The following ZFAT variants were observed in gnomAD, a reference collection of about 807,000 sequenced individuals.
ZFAT encodes zinc finger and AT-hook domain containing.
Under a neutral mutation model 117.7 loss-of-function variants are expected in ZFAT, and 64 were observed. The ratio of observed to expected loss-of-function variants is 0.54; its 90% CI spans 0.44 to 0.67. The LOEUF is 0.67. Ranked by LOEUF, ZFAT falls within the 30% of genes least tolerant of loss-of-function variation. ZFAT has a pLI of 0.00. For missense variants in ZFAT, 1,433 were observed against 1,584.5 expected (o/e 0.90, Z 1.62); for synonymous variants, 679 against 615.0 (o/e 1.10, Z -1.54).
At chr8:134,823,753 C>T in the ZFAT span, among the ~76,000 whole-genome samples, 1 of 152,184 alleles carries the variant, frequency 6.6e-6, no homozygotes, top group Non-Finnish European at 1.5e-5. Flanking sequence ...TATTAAAATG[C>T]TTTCACAATC....
chr8:134,708,156 G>A (rs1469014003), intron 1 of ZFAT, among the ~76,000 whole-genome samples: 6 of 152,312 alleles, frequency 3.9e-5, no homozygotes, highest in African/African-American at 1.4e-4. Context: ...AAGAAGCAGA[G>A]AGTAGAATGG....
At chr8:134,555,929 G>A (rs1005608304) in intron 11 of ZFAT, among the ~76,000 whole-genome samples, 3 of 148,122 alleles carry the variant, frequency 2.0e-5, no homozygotes, top group African/African-American at 7.4e-5. Context: ...TTTGAGCCCA[G>A]GAGCTCAAGC....
the ZFAT span, chr8:134,764,660 A>G: frequency 1.3e-5 from 2 of 152,246 alleles, no homozygotes; most frequent in East Asian, 1.9e-4. Context: ...TCTGATGTGC[A>G]TCTTTTAATT....
intron 1 of ZFAT, chr8:134,696,379 C>T (rs1335561066): frequency 8.1e-6 from 8 of 985,500 alleles, no homozygotes; most frequent in Non-Finnish European, 9.6e-6. Flanking sequence ...TCTGAAACCA[C>T]CCAGGAATCA....
chr8:134,745,871 A>T, the ZFAT span, among the ~76,000 whole-genome samples: 1 of 152,218 alleles, frequency 6.6e-6, no homozygotes, highest in African/African-American at 2.4e-5. Flanking sequence ...TAACCTGCTT[A>T]GTCACGCAGC....
chr8:134,524,723 C>T (rs1022543248), intron 12 of ZFAT, among the ~76,000 whole-genome samples: 48 of 152,206 alleles, frequency 3.2e-4, no homozygotes, highest in Non-Finnish European at 4.6e-4. Flanking sequence ...CTGCCTCACA[C>T]CATAGCATGC....
chr8:134,686,429 C>T (rs10112739), intron 1 of ZFAT, among the ~76,000 whole-genome samples: 1,575 of 152,218 alleles, frequency 0.01, 15 homozygotes, highest in Middle Eastern at 0.02. Flanking sequence ...ACTGGTTATG[C>T]AGTGAGTTCA....
chr8:134,825,934 T>A, the ZFAT span, among the ~76,000 whole-genome samples: 1 of 149,974 alleles, frequency 6.7e-6, no homozygotes, highest in Non-Finnish European at 1.5e-5. Context: ...GGCAGGAGAA[T>A]GGCGTGAACC....
chr8:134,773,993 T>TGG, the ZFAT span, among the ~76,000 whole-genome samples: 23 of 137,480 alleles, frequency 1.7e-4, no homozygotes, highest in African/African-American at 4.4e-4. Context: ...AATTTTTTTT[T>TGG]TTTTTTTTTT....
intron 2 of ZFAT, among the ~76,000 whole-genome samples, chr8:134,655,976 C>T (rs1018449437): frequency 5.9e-5 from 9 of 152,130 alleles, no homozygotes; most frequent in African/African-American, 2.2e-4. Context: ...AATGCTTGAG[C>T]CCAAAAGGCG....
chr8:134,681,519 G>C (rs1347637993), intron 1 of ZFAT, among the ~76,000 whole-genome samples: 2 of 152,160 alleles, frequency 1.3e-5, no homozygotes, highest in African/African-American at 2.4e-5. Flanking sequence ...ATTTATCAAT[G>C]CCCTCAAGAA....
chr8:134,693,475 C>A (rs138241939), intron 1 of ZFAT, among the ~76,000 whole-genome samples: 1 of 152,282 alleles, frequency 6.6e-6, no homozygotes, highest in Admixed American at 6.5e-5. Flanking sequence ...ACACAGACAA[C>A]TAGTAAAACA....
chr8:134,791,060 T>A, the ZFAT span, among the ~76,000 whole-genome samples: 1 of 152,198 alleles, frequency 6.6e-6, no homozygotes, highest in Non-Finnish European at 1.5e-5. Flanking sequence ...CCCTAATGAC[T>A]TTAAAAGAGG....
intron 11 of ZFAT, among the ~76,000 whole-genome samples, chr8:134,545,268 T>TTCC (rs1822606232): frequency 6.6e-6 from 1 of 152,146 alleles, no homozygotes; most frequent in Non-Finnish European, 1.5e-5. Flanking sequence ...ATCCCAGCAC[T>TTCC]TTGGGAGGCT....
In ZFAT at chr8:134,608,198, C is replaced by T. The variant is rs562017728; in HGVS notation, c.785+531G>A. Among the ~76,000 whole-genome samples the T allele has an allele frequency of 4.1e-4, 62 of 152,156 alleles. No individual in the cohort carries two copies. The South Asian group carries it at 5.2e-3, about 13-fold the overall frequency. On this transcript the variant is annotated intron_variant, in intron 5 of 15. Coordinates refer to ENST00000377838, the MANE Select transcript of ZFAT (RefSeq NM_020863.4). ...GGTATTTAGTATTTGCAAAAAACAA[C>T]AAAATTAAACCAATATATGTTAGTA...
intron 11 of ZFAT, among the ~76,000 whole-genome samples, chr8:134,543,746 C>T (rs542898764): frequency 2.6e-5 from 4 of 152,136 alleles, no homozygotes; most frequent in Non-Finnish European, 5.9e-5. Context: ...GTCAGCAAAA[C>T]TTGTCTGAAG....
the ZFAT span, among the ~76,000 whole-genome samples, chr8:134,761,497 C>T: frequency 6.6e-6 from 1 of 151,148 alleles, no homozygotes; most frequent in Admixed American, 6.6e-5. Flanking sequence ...ATCAAGAGAT[C>T]GAGATCATCC....
intron 11 of ZFAT, among the ~76,000 whole-genome samples, chr8:134,561,387 A>G (rs1444164576): frequency 1.3e-5 from 2 of 152,206 alleles, no homozygotes; most frequent in Non-Finnish European, 2.9e-5. Flanking sequence ...ACATTCTCCA[A>G]TAGAGCTTTA....
chr8:134,515,271 T>C (rs1220297567), intron 13 of ZFAT, among the ~76,000 whole-genome samples: 5 of 152,226 alleles, frequency 3.3e-5, no homozygotes, highest in African/African-American at 4.8e-5. Flanking sequence ...TAAACATACG[T>C]GTGTGCATGT....
Sources: gnomAD v4.1 joint callset for allele counts (sites outside exome capture counted in the v4.1 genomes callset) on GRCh38, gnomAD v4.1.1 for gene constraint, MANE v1.5 for transcripts, NCBI Gene and HGNC (gene_info 2026-07-23, HGNC 2026-07-21) for gene names.